MORC1: variants seen among roughly 807,000 people sequenced by gnomAD.
The protein encoded by MORC1 is MORC family CW-type zinc finger 1.
In MORC1, 59 loss-of-function variants were observed where a neutral mutation model predicts 134.9. The ratio of observed to expected loss-of-function variants is 0.44; its 90% CI spans 0.35 to 0.54. The LOEUF (loss-of-function observed/expected upper bound fraction) is 0.54, where lower values mean the gene tolerates loss of function less well. Among genes scored for constraint, MORC1 ranks in the 20% least tolerant of loss-of-function variants. MORC1 has a pLI of 0.00. For missense variants in MORC1, 947 were observed against 1,134.5 expected (o/e 0.83, Z 2.37); for synonymous variants, 395 against 391.7 (o/e 1.01, Z -0.10).
chr3:108,969,207 T>A (rs1947304351), intron 26 of MORC1, among the ~76,000 whole-genome samples: 1 of 152,216 alleles, frequency 6.6e-6, no homozygotes, highest in East Asian at 1.9e-4. Context: ...GATGAATTTT[T>A]AAAAATTGCT....
At chr3:109,032,410 G>A in intron 16 of MORC1, among the ~76,000 whole-genome samples, 1 of 152,112 alleles carries the variant, frequency 6.6e-6, no homozygotes, top group East Asian at 1.9e-4. Context: ...GTACAATAAG[G>A]ACATATGTTG....
intron 21 of MORC1, among the ~76,000 whole-genome samples, chr3:108,999,093 C>G (rs913604974): frequency 6.6e-6 from 1 of 152,176 alleles, no homozygotes; most frequent in Non-Finnish European, 1.5e-5. Context: ...TCAAGAGAGG[C>G]GGCATTATTT....
intron 8 of MORC1, among the ~76,000 whole-genome samples, chr3:109,075,082 T>C (rs1230829686): frequency 1.3e-5 from 2 of 152,228 alleles, no homozygotes; most frequent in African/African-American, 2.4e-5. Context: ...CCATGTTTTC[T>C]AGTTCTATAC....
At chr3:108,968,408 C>T (rs1285705233) in intron 26 of MORC1, among the ~76,000 whole-genome samples, 1 of 152,192 alleles carries the variant, frequency 6.6e-6, no homozygotes, top group Admixed American at 6.5e-5. Context: ...ACTTTAAATA[C>T]TGTGTGATAC....
chr3:108,979,778 A>C, intron 23 of MORC1, 111 bp from the exon 24 acceptor site: 1 of 1,236,840 alleles, frequency 8.1e-7, no homozygotes, highest in Non-Finnish European at 1.1e-6. Flanking sequence ...GAACAAGAAC[A>C]TGCGTGTAAT....
In MORC1 at chr3:109,024,830, C is replaced by A. The variant is rs1949037034; in HGVS notation, c.1704+2921G>T. On this transcript the variant is annotated intron_variant, in intron 17 of 27. Coordinates refer to ENST00000232603, the MANE Select transcript of MORC1 (RefSeq NM_014429.4). ...TCTTGATTTTTTCAGTGATGTCTAGCCTATATTTGAAACTGAATGGGGCCA... is the reference window on the plus strand; with the variant it reads ...TCTTGATTTTTTCAGTGATGTCTAGACTATATTTGAAACTGAATGGGGCCA... Among the ~76,000 whole-genome samples the A allele has an allele frequency of 3.3e-5, 5 of 152,122 alleles. No individual in the cohort carries two copies. In the South Asian group the frequency reaches 1.0e-3, roughly 31 times the overall value.
chr3:108,960,933 A>C lies in MORC1; in HGVS notation c.2800-1813T>G, dbSNP rs77054725. Among the ~76,000 whole-genome samples the C allele has an allele frequency of 2.6e-3, 390 of 152,360 alleles. 2 individuals carry two copies. The highest frequency in any genetic ancestry group is 9.0e-3 in the African/African-American group (374 of 41,590). Reference sequence around the variant, plus strand: ...AGAGATGGACTAAAAGGCTGCTGCCATTGCTTACATAAGTGTCTTGACCTT... The same window carrying C: ...AGAGATGGACTAAAAGGCTGCTGCCCTTGCTTACATAAGTGTCTTGACCTT... On this transcript the variant is annotated intron_variant, in intron 27 of 27. Coordinates refer to ENST00000232603, the MANE Select transcript of MORC1 (RefSeq NM_014429.4).
chr3:109,102,488 T>A (rs978979073), intron 4 of MORC1, among the ~76,000 whole-genome samples: 6 of 152,156 alleles, frequency 3.9e-5, no homozygotes, highest in Admixed American at 1.3e-4. Flanking sequence ...GAGAATTTTT[T>A]AAAAACCCGG....
At chr3:109,091,478 T>TAAAA (rs1553762149) in intron 8 of MORC1, among the ~76,000 whole-genome samples, 2 of 148,184 alleles carry the variant, frequency 1.3e-5, no homozygotes, top group African/African-American at 2.6e-5. Flanking sequence ...AATAAATAAA[T>TAAAA]AAAAAGTATG....
chr3:109,106,724 T>A (rs1951047433), intron 3 of MORC1, among the ~76,000 whole-genome samples: 1 of 152,150 alleles, frequency 6.6e-6, no homozygotes, highest in African/African-American at 2.4e-5. Flanking sequence ...ATGACTCCCA[T>A]TTGACCACTT....
chr3:108,998,194 G>A (rs534106922), intron 21 of MORC1, among the ~76,000 whole-genome samples: 25 of 152,292 alleles, frequency 1.6e-4, no homozygotes, highest in African/African-American at 5.8e-4. Context: ...GGCATAACGG[G>A]ACAGAACGCA....
intron 17 of MORC1, chr3:109,019,071 T>G (rs1948895530): frequency 6.6e-6 from 1 of 152,214 alleles, no homozygotes; most frequent in Non-Finnish European, 1.5e-5. Flanking sequence ...TCAGAGAAGC[T>G]TCTCTAGAAA....
intron 16 of MORC1, among the ~76,000 whole-genome samples, chr3:109,030,025 G>A (rs1949204436): frequency 6.6e-6 from 1 of 152,150 alleles, no homozygotes; most frequent in South Asian, 2.1e-4. Context: ...TGCAAAGTAA[G>A]AGAAAGTTAT....
intron 8 of MORC1, among the ~76,000 whole-genome samples, chr3:109,073,627 T>C (rs1950365392): frequency 6.6e-6 from 1 of 152,184 alleles, no homozygotes; most frequent in Non-Finnish European, 1.5e-5. Context: ...AGAAAATGAC[T>C]CTAAACTGCA....
chr3:109,114,709 T>C (rs1951234085), intron 1 of MORC1, among the ~76,000 whole-genome samples: 1 of 152,234 alleles, frequency 6.6e-6, no homozygotes, highest in South Asian at 2.1e-4. Flanking sequence ...TGAAATAAAC[T>C]TTGACCTTTT....
chr3:109,022,572 T>G (rs1478434213), intron 17 of MORC1, among the ~76,000 whole-genome samples: 1 of 152,226 alleles, frequency 6.6e-6, no homozygotes, highest in Non-Finnish European at 1.5e-5. Context: ...GGGATGACTA[T>G]GAACATGACG....
intron 22 of MORC1, among the ~76,000 whole-genome samples, chr3:108,985,767 T>A (rs759545724): frequency 5.7e-4 from 87 of 152,212 alleles, no homozygotes; most frequent in Non-Finnish European, 1.0e-3. Context: ...AAAATTGTAT[T>A]AGCAATTTTT....
rs111740210 is a variant in MORC1, at chr3:108,961,928, T to C, written c.2799+1486A>G. 4.7e-3 allele frequency among the ~76,000 whole-genome samples: 711 copies of C among 152,334 alleles called. 8 individuals are homozygous for C. Among genetic ancestry groups the C allele is most frequent in the African/African-American group, 0.016 (681 of 41,566 alleles). On this transcript the variant is annotated intron_variant, in intron 27 of 27. Coordinates refer to ENST00000232603, the MANE Select transcript of MORC1 (RefSeq NM_014429.4). ...AGTGGTATTCAATTTCTAGGATACA[T>C]AATTTCTTTGGTCTTTCTAGTTTAC...
At chr3:108,973,796 T>A (rs995428402) in intron 24 of MORC1, among the ~76,000 whole-genome samples, 2 of 151,870 alleles carry the variant, frequency 1.3e-5, no homozygotes, top group African/African-American at 4.8e-5. Context: ...GATGGGGTTT[T>A]GCCATGTTGC....
Sources: allele counts gnomAD v4.1 joint callset (sites outside exome capture counted in the v4.1 genomes callset), GRCh38; gene constraint gnomAD v4.1.1; transcripts MANE v1.5; gene names NCBI Gene and HGNC (gene_info 2026-07-23, HGNC 2026-07-21).